The following PLEKHH2 variants were observed in gnomAD, a reference collection of about 807,000 sequenced individuals.
The protein encoded by PLEKHH2 is pleckstrin homology, MyTH4 and FERM domain containing H2, also known as pleckstrin homology domain-containing family H member 2.
A neutral mutation model predicts 187.9 loss-of-function variants in PLEKHH2; 129 were observed. The observed-to-expected ratio is 0.69, with a 90% CI of 0.59 to 0.79. The LOEUF (loss-of-function observed/expected upper bound fraction) is 0.79. PLEKHH2 is among the 30% of genes least tolerant of loss of function. PLEKHH2 has a pLI of 0.00. For synonymous variants in PLEKHH2, 686 were observed against 605.6 expected (o/e 1.13, Z -1.95); for missense variants, 2,076 against 1,751.2 (o/e 1.19, Z -3.31).
At chr2:43,650,377 C>A (rs1248508080) in intron 2 of PLEKHH2, among the ~76,000 whole-genome samples, 1 of 151,894 alleles carries the variant, frequency 6.6e-6, no homozygotes, top group Non-Finnish European at 1.5e-5. Flanking sequence ...AACTGATCTG[C>A]CCACCTTGGC....
At chr2:43,702,527 CTTT>C (rs1167078689) in intron 8 of PLEKHH2, among the ~76,000 whole-genome samples, 21 of 57,402 alleles carry the variant, frequency 3.7e-4, no homozygotes, top group African/African-American at 1.7e-3. Context: ...CATTCTACTA[CTTT>C]TTTTTTTTTT....
At chr2:43,764,901 G>C (rs983406227) in intron 29 of PLEKHH2, among the ~76,000 whole-genome samples, 3 of 152,208 alleles carry the variant, frequency 2.0e-5, no homozygotes, top group African/African-American at 7.2e-5. Flanking sequence ...AATTGAAAGT[G>C]ATTTTCCTAC....
intron 2 of PLEKHH2, 26 bp downstream of exon 2, chr2:43,644,822 A>T: frequency 4.4e-6 from 7 of 1,580,070 alleles, no homozygotes; most frequent in Non-Finnish European, 6.0e-6. Context: ...AAGCTTTGTT[A>T]TTAAATGTCA....
chr2:43,707,348 A>G, intron 10 of PLEKHH2, 53 bp from the exon 11 acceptor site: 1 of 1,599,116 alleles, frequency 6.3e-7, no homozygotes, highest in Admixed American at 1.7e-5. Context: ...CTTTTCTTGG[A>G]TGAGTGGTAA....
rs112881466 is a variant in PLEKHH2, at chr2:43,762,088, T to C, written c.4072-216T>C. Reference sequence around the variant, plus strand: ...GTTTATCCAAATGCATACATTAATATATGGCAGGTTTGGGTCTCAAAGCTA... The same window carrying C: ...GTTTATCCAAATGCATACATTAATACATGGCAGGTTTGGGTCTCAAAGCTA... On this transcript the variant is annotated intron_variant, in intron 27 of 29. Coordinates refer to ENST00000282406, the MANE Select transcript of PLEKHH2 (RefSeq NM_172069.4). 7.4e-3 allele frequency among the ~76,000 whole-genome samples: 1,124 copies of C among 152,316 alleles called. 15 individuals carry two copies. Among genetic ancestry groups the C allele is most frequent in the African/African-American group, 0.025 (1,054 of 41,574 alleles).
At chr2:43,740,410 AG>A (rs1226713074) in intron 20 of PLEKHH2, among the ~76,000 whole-genome samples, 36 of 152,238 alleles carry the variant, frequency 2.4e-4, no homozygotes, top group Non-Finnish European at 7.3e-5. Context: ...GAAAAAATAT[AG>A]AAAGGAGAAT....
chr2:43,684,208 C>G (rs977471159), intron 3 of PLEKHH2, among the ~76,000 whole-genome samples: 25 of 150,400 alleles, frequency 1.7e-4, no homozygotes, highest in African/African-American at 5.9e-4. Flanking sequence ...CTTCTTTTCC[C>G]CTTCCTTTCC....
At chr2:43,702,987 A>C (rs756661849) in intron 8 of PLEKHH2, among the ~76,000 whole-genome samples, 4 of 152,098 alleles carry the variant, frequency 2.6e-5, no homozygotes, top group Non-Finnish European at 4.4e-5. Flanking sequence ...TCTCCTGCTT[A>C]CTGCCCTTAT....
At chr2:43,667,998 C>T (rs1475569991) in intron 2 of PLEKHH2, among the ~76,000 whole-genome samples, 2 of 152,144 alleles carry the variant, frequency 1.3e-5, no homozygotes, top group Admixed American at 1.3e-4. Flanking sequence ...ATACTGCCTG[C>T]TCTTTAACAA....
chr2:43,684,925 C>G (rs4366953), intron 3 of PLEKHH2, among the ~76,000 whole-genome samples: 90,414 of 151,838 alleles, frequency 0.6, 28,217 homozygotes, highest in African/African-American at 0.78. Flanking sequence ...AATTTATTTA[C>G]TGCATATTTT....
chr2:43,648,336 A>C (rs1039259982), intron 2 of PLEKHH2, among the ~76,000 whole-genome samples: 2 of 151,826 alleles, frequency 1.3e-5, no homozygotes, highest in Admixed American at 1.3e-4. Flanking sequence ...CTACAGGCAC[A>C]TACCACCACG....
chr2:43,723,401 C>G (rs1670582965), intron 16 of PLEKHH2, among the ~76,000 whole-genome samples: 1 of 152,114 alleles, frequency 6.6e-6, no homozygotes, highest in South Asian at 2.1e-4. Context: ...CCAAACTGGA[C>G]AAAGTGTAGT....
At chr2:43,675,743 T>G (rs1406620367) in intron 2 of PLEKHH2, 1 of 1,613,756 alleles carries the variant, frequency 6.2e-7, no homozygotes, top group South Asian at 1.1e-5. Flanking sequence ...CTGTTAAGTC[T>G]TTTCATCAAC....
chr2:43,656,302 C>T (rs1235012374), intron 2 of PLEKHH2, among the ~76,000 whole-genome samples: 1 of 152,090 alleles, frequency 6.6e-6, no homozygotes, highest in African/African-American at 2.4e-5. Flanking sequence ...CAAAACAAAG[C>T]AAATCTGTGT....
intron 19 of PLEKHH2, among the ~76,000 whole-genome samples, chr2:43,737,409 T>C (rs1202537808): frequency 6.6e-6 from 1 of 152,234 alleles, no homozygotes; most frequent in African/African-American, 2.4e-5. Flanking sequence ...GTATCTGTTG[T>C]CTACTGTTAC....
intron 2 of PLEKHH2, chr2:43,675,809 T>C (rs142882858): frequency 1.9e-6 from 3 of 1,613,918 alleles, no homozygotes; most frequent in African/African-American, 1.3e-5. Context: ...TCTCCAAATA[T>C]AACAGTGTGG....
At chr2:43,760,094 G>C (rs1252777543) in intron 27 of PLEKHH2, among the ~76,000 whole-genome samples, 1 of 152,030 alleles carries the variant, frequency 6.6e-6, no homozygotes, top group African/African-American at 2.4e-5. Flanking sequence ...AAATTACAAG[G>C]AATAGATTTG....
At chr2:43,648,064 T>G (rs1666269168) in intron 2 of PLEKHH2, among the ~76,000 whole-genome samples, 1 of 152,172 alleles carries the variant, frequency 6.6e-6, no homozygotes, top group Admixed American at 6.5e-5. Context: ...ATCACACAGC[T>G]AACAAAAAGC....
At chr2:43,763,135 G>A (rs1245228302) in intron 28 of PLEKHH2, among the ~76,000 whole-genome samples, 1 of 151,970 alleles carries the variant, frequency 6.6e-6, no homozygotes, top group African/African-American at 2.4e-5. Flanking sequence ...TTTTCTGAGT[G>A]CCTTTTAGTT....
Sources: allele counts gnomAD v4.1 joint callset (sites outside exome capture counted in the v4.1 genomes callset), GRCh38; gene constraint gnomAD v4.1.1; transcripts MANE v1.5; gene names NCBI Gene and HGNC (gene_info 2026-07-23, HGNC 2026-07-21).